ADAM12: variants seen among roughly 807,000 people sequenced by gnomAD.
ADAM12 encodes the protein disintegrin and metalloproteinase domain-containing protein 12.
A neutral mutation model predicts 106.4 loss-of-function variants in ADAM12; 70 were observed. The ratio of observed to expected loss-of-function variants is 0.66; its 90% CI spans 0.54 to 0.80. The LOEUF is 0.80. Ranked by LOEUF, ADAM12 falls within the 30% of genes least tolerant of loss-of-function variation. The pLI is 0.00. For synonymous variants in ADAM12, 420 were observed against 433.5 expected, an observed-to-expected ratio of 0.97 and a Z score of 0.39; for missense variants, 1,010 against 1,171.9, an observed-to-expected ratio of 0.86 and a Z score of 2.02.
At chr10:126,118,799 A>G (rs1256839410) in intron 5 of ADAM12, among the ~76,000 whole-genome samples, 5 of 152,078 alleles carry the variant, frequency 3.3e-5, no homozygotes, top group Non-Finnish European at 7.4e-5. Flanking sequence ...TGTCCATTAT[A>G]TTACTCTGGA....
chr10:126,062,412 G>A (rs1954776707), intron 14 of ADAM12, among the ~76,000 whole-genome samples: 1 of 152,072 alleles, frequency 6.6e-6, no homozygotes, highest in Non-Finnish European at 1.5e-5. Context: ...GTGGCTACCT[G>A]GGTGCTCAGA....
At chr10:126,115,897 C>T (rs1565069348) in intron 6 of ADAM12, among the ~76,000 whole-genome samples, 3 of 152,162 alleles carry the variant, frequency 2.0e-5, no homozygotes, top group Non-Finnish European at 2.9e-5. Flanking sequence ...TTATTTTTCG[C>T]ACCATTTTCA....
chr10:126,377,724 G>A (rs1416265424), intron 1 of ADAM12, among the ~76,000 whole-genome samples: 6 of 152,178 alleles, frequency 3.9e-5, no homozygotes, highest in East Asian at 3.8e-4. Flanking sequence ...ATGCTGGAAC[G>A]GAGGTAAATA....
chr10:126,235,126 T>A (rs1340978190), intron 3 of ADAM12, among the ~76,000 whole-genome samples: 2 of 152,004 alleles, frequency 1.3e-5, no homozygotes, highest in East Asian at 3.9e-4. Flanking sequence ...GGTCGATGAG[T>A]CCAGGCCAGG....
At chr10:126,202,518 T>C (rs1358390326) in intron 3 of ADAM12, among the ~76,000 whole-genome samples, 2 of 152,044 alleles carry the variant, frequency 1.3e-5, no homozygotes, top group Non-Finnish European at 2.9e-5. Context: ...TCTCTCTCTC[T>C]CTCTTTAACC....
intron 2 of ADAM12, among the ~76,000 whole-genome samples, chr10:126,313,605 A>G (rs909602237): frequency 6.4e-5 from 9 of 140,334 alleles, no homozygotes; most frequent in Non-Finnish European, 1.4e-4. Context: ...AGCCCCATCC[A>G]TCCATCTGTC....
At chr10:126,038,172 T>C (rs1215865309) in intron 20 of ADAM12, 69 bp downstream of exon 20, 24 of 1,355,414 alleles carry the variant, frequency 1.8e-5, no homozygotes, top group East Asian at 2.5e-5. Flanking sequence ...CCCATTCTTA[T>C]TCAGTCTCGT....
Position 126,015,333 on chromosome 10 carries a change from T to C in ADAM12, c.*1946A>G, listed in dbSNP as rs1953643948. The C allele has an allele frequency of 6.6e-6, 1 of 152,224 alleles. No homozygotes were observed. Among genetic ancestry groups the C allele is most frequent in the African/African-American group, 2.4e-5 (1 of 41,454 alleles). The allele number at this position is 152,224 out of a possible 1,614,324, so 9.4% of individuals were successfully genotyped here. ...TGCCAGATCTAAGGATTTGGGCATC[T>C]AAAAAGACAATGCCCACGTAATGCA... On this transcript the variant is annotated 3_prime_UTR_variant, in exon 23 of 23. Coordinates refer to ENST00000448723, the MANE Select transcript of ADAM12 (RefSeq NM_001288973.2).
intron 4 of ADAM12, among the ~76,000 whole-genome samples, chr10:126,139,756 A>C (rs1255205559): frequency 7.9e-5 from 12 of 152,184 alleles, no homozygotes; most frequent in Admixed American, 6.5e-4. Flanking sequence ...AGAAGCTGCC[A>C]TCTTCAATAA....
At chr10:126,301,347 T>C (rs1224939578) in intron 2 of ADAM12, among the ~76,000 whole-genome samples, 1 of 152,242 alleles carries the variant, frequency 6.6e-6, no homozygotes, top group African/African-American at 2.4e-5. Flanking sequence ...GTTATGTTCT[T>C]TTTAAGACCA....
intron 3 of ADAM12, among the ~76,000 whole-genome samples, chr10:126,263,101 C>T (rs922669202): frequency 2.0e-5 from 3 of 152,130 alleles, no homozygotes; most frequent in Admixed American, 6.5e-5. Flanking sequence ...CCTTGGCTCT[C>T]GTAGGAATTG....
chr10:126,193,651 C>A (rs1590598131), intron 3 of ADAM12, among the ~76,000 whole-genome samples: 1 of 152,270 alleles, frequency 6.6e-6, no homozygotes, highest in East Asian at 1.9e-4. Flanking sequence ...AATCCCAGAA[C>A]TTTGGGAAGC....
rs538662197 is a variant in ADAM12 at position 126,182,319 on chromosome 10, TA to T, written c.261-27015del. Among the ~76,000 whole-genome samples the T allele has an allele frequency of 2.0e-5, 3 of 152,232 alleles. No individual in the cohort carries two copies. The South Asian group carries it at 6.2e-4, about 32-fold the overall frequency. ...GTATCTAAGACATAAAGACATCTAA[TA>T]AAAAACATTAAGGGACTAAAAACAC... On this transcript the variant is annotated intron_variant, in intron 3 of 22. Transcript: ENST00000448723.
intron 11 of ADAM12, among the ~76,000 whole-genome samples, chr10:126,082,530 G>A (rs2133532417): frequency 6.6e-6 from 1 of 151,944 alleles, no homozygotes; most frequent in East Asian, 1.9e-4. Flanking sequence ...CACCATGCCT[G>A]GCTAATTTTT....
chr10:126,138,947 C>T (rs1185142448), intron 4 of ADAM12, among the ~76,000 whole-genome samples: 1 of 152,086 alleles, frequency 6.6e-6, no homozygotes, highest in Non-Finnish European at 1.5e-5. Context: ...GCTAGTTGTT[C>T]CAGAACCATT....
At chr10:126,256,943 T>C (rs1477444870) in intron 3 of ADAM12, among the ~76,000 whole-genome samples, 1 of 152,052 alleles carries the variant, frequency 6.6e-6, no homozygotes, top group African/African-American at 2.4e-5. Context: ...ATGATGATGA[T>C]GGAGGGACTT....
chr10:126,103,686 G>T (rs1955710590), intron 8 of ADAM12, among the ~76,000 whole-genome samples: 1 of 152,122 alleles, frequency 6.6e-6, no homozygotes, highest in African/African-American at 2.4e-5. Context: ...GTGACCCCAG[G>T]CCCGGAGAGA....
At chr10:126,109,886 G>A in intron 6 of ADAM12, 46 bp from the exon 7 acceptor site, 2 of 1,561,358 alleles carry the variant, frequency 1.3e-6, no homozygotes, top group Non-Finnish European at 8.8e-7. Flanking sequence ...TGCCTCTCTG[G>A]CATTAAGACT....
chr10:126,372,222 C>T (rs926611452), intron 1 of ADAM12, among the ~76,000 whole-genome samples: 3 of 152,166 alleles, frequency 2.0e-5, no homozygotes, highest in African/African-American at 7.2e-5. Flanking sequence ...ATGCTGAGAA[C>T]TTGTGCCGTT....
Sources: allele counts gnomAD v4.1 joint callset (sites outside exome capture counted in the v4.1 genomes callset), GRCh38; gene constraint gnomAD v4.1.1; transcripts MANE v1.5; gene names NCBI Gene and HGNC (gene_info 2026-07-23, HGNC 2026-07-21).